P2RX3: variants seen among roughly 807,000 people sequenced by gnomAD.
P2RX3 encodes P2X purinoceptor 3.
P2RX3 carries 41 observed loss-of-function variants against 51.5 expected under a neutral mutation model. The observed-to-expected ratio is 0.80, with a 90% CI of 0.62 to 1.03. The LOEUF (loss-of-function observed/expected upper bound fraction) is 1.03. Among genes scored for constraint, P2RX3 ranks in the 50% least tolerant of loss-of-function variants. The probability of loss-of-function intolerance (pLI) is 0.00; values close to 1 mark genes in which losing one functional copy is unlikely to be tolerated. For missense variants in P2RX3, 459 were observed against 522.1 expected (o/e 0.88, Z 1.18); for synonymous variants, 185 against 191.6 (o/e 0.97, Z 0.29).
Position 57,371,365 on chromosome 11 carries a change from A to C in P2RX3, c.*1368A>C, listed in dbSNP as rs976261331. 6.6e-6 allele frequency among the ~76,000 whole-genome samples: 1 copy of C among 152,242 alleles called. No individual in the cohort carries two copies. The highest frequency in any genetic ancestry group is 2.4e-5 in the African/African-American group (1 of 41,466). On this transcript the variant is annotated 3_prime_UTR_variant, in exon 12 of 12. Coordinates refer to ENST00000263314, the MANE Select transcript of P2RX3 (RefSeq NM_002559.5). ...GTATTAGAAGGGGCTCATGCAAGTGAATGAGCCTAAAGAATGTTTCAATAG... is the reference window on the plus strand; with the variant it reads ...GTATTAGAAGGGGCTCATGCAAGTGCATGAGCCTAAAGAATGTTTCAATAG...
upstream of P2RX3, among the ~76,000 whole-genome samples, chr11:57,337,521 G>C (rs527590470): frequency 2.0e-5 from 3 of 152,146 alleles, no homozygotes; most frequent in African/African-American, 7.2e-5. Context: ...CCTTTGCAGG[G>C]ACATGGATGA....
At chr11:57,352,986 C>T (rs990932260) in intron 8 of P2RX3, among the ~76,000 whole-genome samples, 1 of 152,158 alleles carries the variant, frequency 6.6e-6, no homozygotes, top group Non-Finnish European at 1.5e-5. Context: ...CATTGGGGGA[C>T]ATCTGATATC....
At chr11:57,350,196 A>C in intron 7 of P2RX3, 1 of 417,080 alleles carries the variant, frequency 2.4e-6, no homozygotes, top group Non-Finnish European at 4.4e-6. Flanking sequence ...AAACGACGGG[A>C]AAGTAGACCT....
At chr11:57,366,664 G>T (rs1590642218) in intron 8 of P2RX3, among the ~76,000 whole-genome samples, 1 of 152,144 alleles carries the variant, frequency 6.6e-6, no homozygotes, top group Non-Finnish European at 1.5e-5. Flanking sequence ...ACAAAGAAAA[G>T]GAATTTATTT....
intron 8 of P2RX3, among the ~76,000 whole-genome samples, chr11:57,351,869 A>T (rs913658306): frequency 1.3e-5 from 2 of 152,214 alleles, no homozygotes; most frequent in African/African-American, 4.8e-5. Flanking sequence ...GATAAATAAC[A>T]ATTGCATATA....
At chr11:57,350,655 A>T in intron 7 of P2RX3, 107 bp from the exon 8 acceptor site, 1 of 1,440,666 alleles carries the variant, frequency 6.9e-7, no homozygotes, top group Non-Finnish European at 9.5e-7. Context: ...TCCCACCTGG[A>T]GGATGGGAGG....
At chr11:57,359,420 C>G (rs1227235061) in intron 8 of P2RX3, among the ~76,000 whole-genome samples, 3 of 152,302 alleles carry the variant, frequency 2.0e-5, no homozygotes, top group East Asian at 1.9e-4. Flanking sequence ...TCTGGCCCAC[C>G]AGGTAACCAT....
chr11:57,353,965 G>T (rs1377135339), intron 8 of P2RX3, among the ~76,000 whole-genome samples: 1 of 152,012 alleles, frequency 6.6e-6, no homozygotes, highest in Non-Finnish European at 1.5e-5. Flanking sequence ...ATGAGGAAGC[G>T]GAAGTTCCAA....
intron 1 of P2RX3, among the ~76,000 whole-genome samples, chr11:57,344,480 C>G (rs1856397001): frequency 6.6e-6 from 1 of 152,174 alleles, no homozygotes; most frequent in Non-Finnish European, 1.5e-5. Flanking sequence ...AGGCAGATCA[C>G]TTGAGGCCAG....
rs1856745268 is a variant in P2RX3 at position 57,363,076 on chromosome 11, C to T, written c.843-4933C>T. 2.0e-5 allele frequency among the ~76,000 whole-genome samples: 3 copies of T among 152,300 alleles called. No homozygotes were observed. The Middle Eastern group carries it at 0.01, about 518-fold the overall frequency. On this transcript the variant is annotated intron_variant, in intron 8 of 11. Coordinates refer to ENST00000263314, the MANE Select transcript of P2RX3 (RefSeq NM_002559.5). Reference sequence around the variant, plus strand: ...CCAATTTTTCAGTTGAAGTAAAAAGCTCAGAGAAGTCGAATGACCTTCCCA... The same window carrying T: ...CCAATTTTTCAGTTGAAGTAAAAAGTTCAGAGAAGTCGAATGACCTTCCCA...
intron 8 of P2RX3, among the ~76,000 whole-genome samples, chr11:57,354,054 G>A (rs564852242): frequency 2.0e-5 from 3 of 152,116 alleles, no homozygotes; most frequent in South Asian, 4.2e-4. Flanking sequence ...AGGAGTTTAC[G>A]GACCCATGTA....
chr11:57,348,016 G>A (rs1856472875), intron 4 of P2RX3, among the ~76,000 whole-genome samples, 154 bp from the exon 5 acceptor site: 1 of 152,192 alleles, frequency 6.6e-6, no homozygotes, highest in Non-Finnish European at 1.5e-5. Flanking sequence ...TGGGGCTCAG[G>A]AGAAGCAGCA....
At position 57,369,976 on chromosome 11, in the gene P2RX3, G is replaced by T; in HGVS notation, c.1173G>T (p.Gly391=). 2 of 1,613,782 alleles carry T rather than the reference G, an allele frequency of 1.2e-6. No individual in the cohort carries two copies. The highest frequency in any genetic ancestry group is 1.3e-5 in the African/African-American group (1 of 75,046). ...TTAEKQSTDS[G]AFSIGH ...CGGAGAAGCAGTCCACCGATTCGGG[G>T]GCCTTCTCCATAGGCCACTAGGGCC... The change falls in exon 12 of 12, where the codon GGG becomes GGT. Residue 391 remains glycine (G), a synonymous_variant. Transcript: ENST00000263314.
At chr11:57,360,321 A>C (rs1856694845) in intron 8 of P2RX3, among the ~76,000 whole-genome samples, 1 of 152,122 alleles carries the variant, frequency 6.6e-6, no homozygotes, top group Non-Finnish European at 1.5e-5. Context: ...ACCTTATACT[A>C]GCTCCACCTG....
chr11:57,350,192 C>T (rs1240708299), intron 7 of P2RX3: 7 of 415,676 alleles, frequency 1.7e-5, no homozygotes, highest in South Asian at 1.4e-4. Context: ...CCCCAAACGA[C>T]GGGAAAGTAG....
At chr11:57,341,708 G>A (rs1856343486) in intron 1 of P2RX3, among the ~76,000 whole-genome samples, 1 of 152,136 alleles carries the variant, frequency 6.6e-6, no homozygotes, top group African/African-American at 2.4e-5. Context: ...GCCTGAGGTT[G>A]ATTTCCAGGG....
At chr11:57,345,539 A>G (rs1856415640) in intron 1 of P2RX3, among the ~76,000 whole-genome samples, 1 of 152,210 alleles carries the variant, frequency 6.6e-6, no homozygotes, top group Non-Finnish European at 1.5e-5. Context: ...GTGTGCCATC[A>G]GGAATAAAGG....
intron 1 of P2RX3, among the ~76,000 whole-genome samples, chr11:57,343,836 G>C (rs1590622980): frequency 6.6e-6 from 1 of 152,196 alleles, no homozygotes. Flanking sequence ...ATCTTAGCTG[G>C]AAGCAGAGAG....
rs377614658 is a variant in P2RX3, at chr11:57,369,075, T to A, written c.1003-286T>A. Among the ~76,000 whole-genome samples, 23 of 152,260 alleles carry A rather than the reference T, an allele frequency of 1.5e-4. No homozygotes were observed. The South Asian group carries it at 3.9e-3, about 26-fold the overall frequency. Reference sequence around the variant, plus strand: ...GCCCATTAATCCATTAATCCATGCATCCATGAACGGATTAATCCATCCATG... The same window carrying A: ...GCCCATTAATCCATTAATCCATGCAACCATGAACGGATTAATCCATCCATG... On this transcript the variant is annotated intron_variant, in intron 10 of 11. Transcript: ENST00000263314.
Sources: allele counts gnomAD v4.1 joint callset (sites outside exome capture counted in the v4.1 genomes callset), GRCh38; gene constraint gnomAD v4.1.1; transcripts MANE v1.5; gene names NCBI Gene and HGNC (gene_info 2026-07-23, HGNC 2026-07-21).